OTUD6B: variants seen among roughly 807,000 people sequenced by gnomAD.
OTUD6B encodes deubiquitinase OTUD6B.
In OTUD6B, 41 loss-of-function variants were observed where a neutral mutation model predicts 36.9. That is an observed-to-expected ratio of 1.11 (90% confidence interval 0.87 to 1.44). OTUD6B has a LOEUF of 1.44. Ranked by LOEUF, OTUD6B falls within the 40% of genes most tolerant of loss-of-function variation. The pLI is 0.00. For missense variants in OTUD6B, 356 were observed against 344.8 expected (o/e 1.03, Z -0.26); for synonymous variants, 114 against 114.2 (o/e 1.00, Z 0.01).
At chr8:91,084,734 A>G (rs1042409303) in intron 6 of OTUD6B, 50 bp from the exon 7 acceptor site, 1 of 1,364,082 alleles carries the variant, frequency 7.3e-7, no homozygotes, top group Non-Finnish European at 9.7e-7. Flanking sequence ...ATATATATAG[A>G]AAAATTGCTT....
intron 4 of OTUD6B, among the ~76,000 whole-genome samples, chr8:91,079,747 C>T (rs910329211): frequency 5.3e-5 from 8 of 152,068 alleles, no homozygotes; most frequent in Admixed American, 6.6e-5. Context: ...TTGAAACTCC[C>T]CAATTGCGCT....
At chr8:91,078,748 G>GT in intron 4 of OTUD6B, 80 bp downstream of exon 4, 1 of 904,760 alleles carries the variant, frequency 1.1e-6, no homozygotes. Flanking sequence ...AGCACTGAGC[G>GT]TAAGAAGAAC....
intron 5 of OTUD6B, 100 bp downstream of exon 5, chr8:91,080,830 T>A (rs1342131126): frequency 2.5e-6 from 2 of 812,802 alleles, no homozygotes; most frequent in East Asian, 5.4e-5. Flanking sequence ...AATTTCTCTT[T>A]GAAGATTCCT....
intron 2 of OTUD6B, among the ~76,000 whole-genome samples, chr8:91,072,219 C>T (rs1301513538): frequency 6.6e-6 from 1 of 152,082 alleles, no homozygotes; most frequent in Non-Finnish European, 1.5e-5. Context: ...TGAGGTATTA[C>T]CTATGAAGTA....
chr8:91,084,801 A>G lies in OTUD6B; in HGVS notation c.815A>G (p.Tyr272Cys), dbSNP rs1482606075. Residue 272 changes from tyrosine to cysteine, a missense_variant, in exon 7 of 7, where the codon TAT (tyrosine) becomes TGT (cysteine). By Grantham distance (194) the Tyr-to-Cys change is radical. Coordinates refer to ENST00000404789, the MANE Select transcript of OTUD6B (RefSeq NM_016023.5). ...PLILVYMRHA[Y>C]GLGEHYNSVT... is the part of the protein sequence containing the mutation. ...AATTTCAGATATATGAGACATGCAT[A>G]TGGCTTAGGAGAACATTATAATTCG... 2.5e-6 allele frequency: 4 copies of G among 1,571,196 alleles called. No individual in the cohort carries two copies. Among genetic ancestry groups the G allele is most frequent in the Middle Eastern group, 1.7e-4 (1 of 5,916 alleles).
intron 4 of OTUD6B, among the ~76,000 whole-genome samples, chr8:91,079,958 T>A (rs1812870281): frequency 6.6e-6 from 1 of 152,162 alleles, no homozygotes; most frequent in East Asian, 1.9e-4. Flanking sequence ...TTCTTCTAGA[T>A]GTCCATAATT....
chr8:91,080,622 G>C, intron 4 of OTUD6B, 47 bp from the exon 5 acceptor site: 1 of 1,544,858 alleles, frequency 6.5e-7, no homozygotes. Flanking sequence ...TTTGTAACAT[G>C]AGTTACAAAA....
At chr8:91,070,792 A>T (rs1036874169) in intron 1 of OTUD6B, among the ~76,000 whole-genome samples, 19 of 152,006 alleles carry the variant, frequency 1.2e-4, no homozygotes, top group African/African-American at 4.3e-4. Flanking sequence ...CCAGTTACCG[A>T]TACTTGTCCC....
rs1295634269 is a variant in OTUD6B, at chr8:91,070,400, A to G, written c.16A>G (p.Thr6Ala). Residue 6 changes from threonine (T) to alanine (A), a missense_variant, in exon 1 of 7, where the codon ACC becomes GCC. Thr to Ala is a moderately conservative substitution (Grantham distance 58). Transcript: ENST00000404789. ...CCTGGTCGTCATGGAGGCGGTATTG[A>G]CCGAAGAGCTTGATGAGGAAGAGCA... MEAVLTEELDEEEQLL... is the reference protein window; with the variant it reads MEAVLAEELDEEEQLL... 2 of 1,606,210 alleles carry G rather than the reference A, an allele frequency of 1.2e-6. No individual in the cohort carries two copies. The highest frequency in any genetic ancestry group is 1.7e-6 in the Non-Finnish European group (2 of 1,176,342).
chr8:91,074,300 C>G (rs1812761666), intron 3 of OTUD6B, among the ~76,000 whole-genome samples: 1 of 151,722 alleles, frequency 6.6e-6, no homozygotes, highest in East Asian at 1.9e-4. Context: ...GAATGTGGGC[C>G]CAGGGGATTC....
At chr8:91,084,243 TTGTG>T (rs760392258) in intron 6 of OTUD6B, 129 bp downstream of exon 6, 5 of 610,370 alleles carry the variant, frequency 8.2e-6, no homozygotes, top group African/African-American at 3.8e-5. Context: ...CGATTTATTT[TTGTG>T]TGTGAGTTTA....
chr8:91,077,708 A>G (rs150003185), intron 3 of OTUD6B, among the ~76,000 whole-genome samples: 1 of 152,164 alleles, frequency 6.6e-6, no homozygotes, highest in African/African-American at 2.4e-5. Context: ...ATTTATACAT[A>G]TTTTCAAGAG....
intron 3 of OTUD6B, among the ~76,000 whole-genome samples, chr8:91,076,152 A>C (rs1196081853): frequency 2.0e-5 from 3 of 152,158 alleles, no homozygotes; most frequent in Non-Finnish European, 2.9e-5. Flanking sequence ...ATACAAACCC[A>C]GGACTGGTGT....
At position 91,078,384 on chromosome 8, in the gene OTUD6B, G is replaced by A. The variant is rs1343512766; in HGVS notation, c.344G>A (p.Arg115Gln). Residue 115 changes from arginine to glutamine, a missense_variant, in exon 4 of 7, where the codon CGA (arginine) becomes CAA (glutamine). Coordinates refer to ENST00000404789, the MANE Select transcript of OTUD6B (RefSeq NM_016023.5). ...AAGAAAGCTGCATTGGAAAAGGAGC[G>A]AGAAGAACGGATAGCTGAAGCTGAA... ...REKKAALEKEREERIAEAEIE... is the reference protein window; with the variant it reads ...REKKAALEKEQEERIAEAEIE... 7.6e-6 allele frequency: 12 copies of A among 1,587,066 alleles called. No homozygotes were observed. Among genetic ancestry groups the A allele is most frequent in the East Asian group, 2.3e-5 (1 of 43,976 alleles).
In OTUD6B at chr8:91,086,549, G is replaced by A. The variant is rs1813019163; in HGVS notation, c.*1681G>A. On this transcript the variant is annotated 3_prime_UTR_variant, in exon 7 of 7. Transcript: ENST00000404789. Reference sequence around the variant, plus strand: ...TACTTTAAAATGTCAACATTAGGAAGCCATAAAACAAGATATTATGAAACC... The same window carrying A: ...TACTTTAAAATGTCAACATTAGGAAACCATAAAACAAGATATTATGAAACC... 6.6e-6 allele frequency: 1 copy of A among 151,992 alleles called. No homozygotes were observed. The highest frequency in any genetic ancestry group is 2.4e-5 in the African/African-American group (1 of 41,414). The allele number at this position is 151,992 out of a possible 1,614,324, so 9.4% of individuals were successfully genotyped here.
chr8:91,080,456 G>T (rs1586207692), intron 4 of OTUD6B: 14 of 520,874 alleles, frequency 2.7e-5, no homozygotes, highest in Non-Finnish European at 3.0e-5. Context: ...AGCAGAAATG[G>T]ACTGCTTTGT....
At chr8:91,070,989 C>G in intron 1 of OTUD6B, 149 bp from the exon 2 acceptor site, 2 of 1,279,404 alleles carry the variant, frequency 1.6e-6, no homozygotes, top group Middle Eastern at 2.5e-4. Context: ...GGGATCTTCT[C>G]TCTCTGTAGC....
At chr8:91,070,895 C>A in intron 1 of OTUD6B, 1 of 294,472 alleles carries the variant, frequency 3.4e-6, no homozygotes, top group Non-Finnish European at 5.0e-6. Flanking sequence ...AGGTTTTTTT[C>A]CTTCTCTTAT....
chr8:91,076,681 T>C, intron 3 of OTUD6B: 1 of 1,405,066 alleles, frequency 7.1e-7, no homozygotes. Flanking sequence ...TTCTGCGTGC[T>C]GTTTCCTCAG....
Sources: allele counts gnomAD v4.1 joint callset (sites outside exome capture counted in the v4.1 genomes callset), GRCh38; gene constraint gnomAD v4.1.1; transcripts MANE v1.5; gene names NCBI Gene and HGNC (gene_info 2026-07-23, HGNC 2026-07-21).